Variants in ZNF536 observed in about 807,000 individuals in gnomAD.
ZNF536 encodes the protein zinc finger protein 536.
Under a neutral mutation model 84.5 loss-of-function variants are expected in ZNF536, and 13 were observed. That is an observed-to-expected ratio of 0.15 (90% confidence interval 0.10 to 0.24). The LOEUF (loss-of-function observed/expected upper bound fraction) is 0.24. Among genes scored for constraint, ZNF536 ranks in the 10% least tolerant of loss-of-function variants. ZNF536 has a pLI of 1.00. For missense variants in ZNF536, 1,536 were observed against 1,747.5 expected, an observed-to-expected ratio of 0.88 and a Z score of 2.16; for synonymous variants, 811 against 742.5, an observed-to-expected ratio of 1.09 and a Z score of -1.50.
chr19:30,594,263 C>A (rs1157539437), intron 1 of ZNF536, among the ~76,000 whole-genome samples: 1 of 152,224 alleles, frequency 6.6e-6, no homozygotes, highest in Non-Finnish European at 1.5e-5. Context: ...CCATACACGG[C>A]CAGCAGCCAG....
chr19:30,352,285 T>G (rs2047956670), intron 2 of ZNF536: 1 of 152,254 alleles, frequency 6.6e-6, no homozygotes, highest in Non-Finnish European at 1.5e-5. Context: ...TGAATTTCCT[T>G]GACCTCTGCA....
At chr19:30,667,881 G>A (rs541988348) in intron 1 of ZNF536, among the ~76,000 whole-genome samples, 1 of 152,130 alleles carries the variant, frequency 6.6e-6, no homozygotes, top group South Asian at 2.1e-4. Flanking sequence ...ACCCTATAAG[G>A]TATACATTGT....
chr19:30,323,000 T>TGACCCAG (rs2146271619), intron 2 of ZNF536, among the ~76,000 whole-genome samples: 1 of 152,282 alleles, frequency 6.6e-6, no homozygotes, highest in East Asian at 1.9e-4. Flanking sequence ...GCCATCCCAT[T>TGACCCAG]GACTGGAAGA....
chr19:30,547,071 G>A lies in ZNF536; in HGVS notation c.2324-872G>A, dbSNP rs2045587037. On this transcript the variant is annotated intron_variant, in intron 3 of 4. Transcript: ENST00000355537. ...TAAAGCTATTTTTATTCTCTAGAAA[G>A]CGCTTATTATAGGTAAATTACACAT... Among the ~76,000 whole-genome samples, 2 of 152,124 alleles carry A rather than the reference G, an allele frequency of 1.3e-5. 1 individual carries two copies. The highest frequency in any genetic ancestry group is 1.3e-4 in the Admixed American group (2 of 15,270).
intron 1 of ZNF536, among the ~76,000 whole-genome samples, chr19:30,603,215 TC>T (rs1347229990): frequency 6.6e-6 from 1 of 152,030 alleles, no homozygotes; most frequent in African/African-American, 2.4e-5. Flanking sequence ...CATCCCCGAA[TC>T]CCCCAGGTCT....
At chr19:30,615,345 A>G (rs1007506315) in intron 1 of ZNF536, among the ~76,000 whole-genome samples, 14 of 152,056 alleles carry the variant, frequency 9.2e-5, no homozygotes, top group Non-Finnish European at 1.5e-4. Context: ...CTCCAACCCA[A>G]TGGCTAGCCA....
At chr19:30,431,439 C>T (rs982333958) in intron 1 of ZNF536, among the ~76,000 whole-genome samples, 28 of 152,308 alleles carry the variant, frequency 1.8e-4, no homozygotes, top group South Asian at 8.3e-4. Flanking sequence ...TAGTAATGAT[C>T]GTGCTTACTT....
chr19:30,309,066 T>C (rs879526106), intron 2 of ZNF536, among the ~76,000 whole-genome samples: 30 of 151,956 alleles, frequency 2.0e-4, no homozygotes, highest in African/African-American at 5.8e-4. Context: ...AAAAAAGTTC[T>C]GGAAAAGACA....
At chr19:30,421,519 C>A (rs1025852492) in intron 1 of ZNF536, among the ~76,000 whole-genome samples, 1 of 152,150 alleles carries the variant, frequency 6.6e-6, no homozygotes, top group South Asian at 2.1e-4. Flanking sequence ...CATGCCACCA[C>A]GCCTGGTAAT....
Position 30,626,296 on chromosome 19 carries a change from TCCCC to T in ZNF536, c.169+76783_169+76786del, listed in dbSNP as rs1437091473. ...GTGTCATAAAAATTTAGCAATTTTT[TCCCC>T]TTCCTAATTATCTTCTATATTTTTG... On this transcript the variant is annotated intron_variant, in intron 1 of 1. Coordinates refer to the ZNF536 transcript ENST00000592773. Among the ~76,000 whole-genome samples the T allele has an allele frequency of 8.5e-5, 13 of 152,212 alleles. 1 individual carries two copies. Among genetic ancestry groups the T allele is most frequent in the African/African-American group, 2.7e-4 (11 of 41,452 alleles).
chr19:30,421,883 T>C, intron 1 of ZNF536, among the ~76,000 whole-genome samples: 1 of 152,262 alleles, frequency 6.6e-6, no homozygotes. Context: ...CAGAATTTAA[T>C]AACATTGTTC....
At chr19:30,315,999 G>T (rs2046666048) in intron 2 of ZNF536, among the ~76,000 whole-genome samples, 1 of 152,088 alleles carries the variant, frequency 6.6e-6, no homozygotes, top group Non-Finnish European at 1.5e-5. Flanking sequence ...GTGTGGTATG[G>T]CATATTCATA....
chr19:30,442,046 G>A (rs1452264875), intron 1 of ZNF536, among the ~76,000 whole-genome samples: 8 of 152,244 alleles, frequency 5.3e-5, no homozygotes, highest in East Asian at 1.9e-4. Flanking sequence ...GGGGTTAAGC[G>A]CAGCTCCTGG....
chr19:30,233,925 A>G (rs1381218285), intron 1 of ZNF536, among the ~76,000 whole-genome samples: 2 of 152,116 alleles, frequency 1.3e-5, no homozygotes, highest in Non-Finnish European at 2.9e-5. Context: ...CCTGATTCTC[A>G]AAGCTCATCC....
At chr19:30,501,458 C>T (rs1485586007) in intron 2 of ZNF536, among the ~76,000 whole-genome samples, 1 of 152,164 alleles carries the variant, frequency 6.6e-6, no homozygotes, top group Non-Finnish European at 1.5e-5. Context: ...GTGTTGGGAA[C>T]CTGGTTTCCT....
upstream of ZNF536, among the ~76,000 whole-genome samples, chr19:30,225,751 G>T (rs1336098272): frequency 2.8e-5 from 4 of 145,270 alleles, no homozygotes; most frequent in East Asian, 2.1e-4. Context: ...GGCGGCGGGT[G>T]GGGGGGCAGC....
rs555419932 is a variant in ZNF536 at position 30,614,942 on chromosome 19, A to ATTTTTTTTTTTTT, written c.169+65438_169+65450dup. Among the ~76,000 whole-genome samples, 52 of 32,304 alleles carry ATTTTTTTTTTTTT rather than the reference A, an allele frequency of 1.6e-3. 7 individuals are homozygous for ATTTTTTTTTTTTT. The highest frequency in any genetic ancestry group is 2.5e-3 in the African/African-American group (20 of 8,044). The allele number at this position is 32,304 out of a possible 152,430, so 21.2% of individuals were successfully genotyped here. A position where few individuals can be genotyped will look rare whatever the true frequency, so the allele number is the denominator to read the frequency against. ...TTTTCTTTTATTCTCCCCCTTTTCA[A>ATTTTTTTTTTTTT]TTTTTTTTTTTTTTTTTTTTTTGAG... On this transcript the variant is annotated intron_variant, in intron 1 of 1. Coordinates refer to the ZNF536 transcript ENST00000592773.
At chr19:30,682,179 C>G (rs971872736) in intron 1 of ZNF536, among the ~76,000 whole-genome samples, 8 of 152,062 alleles carry the variant, frequency 5.3e-5, no homozygotes, top group African/African-American at 1.9e-4. Context: ...TCTGACCCAG[C>G]CAGGCAAGGG....
At chr19:30,480,770 T>G (rs149031439) in intron 2 of ZNF536, among the ~76,000 whole-genome samples, 1 of 152,194 alleles carries the variant, frequency 6.6e-6, no homozygotes, top group Non-Finnish European at 1.5e-5. Context: ...GCACAGTGGC[T>G]CATGCCTGTA....
Sources: gnomAD v4.1 joint callset for allele counts (sites outside exome capture counted in the v4.1 genomes callset) on GRCh38, gnomAD v4.1.1 for gene constraint, MANE v1.5 for transcripts, NCBI Gene and HGNC (gene_info 2026-07-23, HGNC 2026-07-21) for gene names.